The following ROBO2 variants were observed in gnomAD, a reference collection of about 807,000 sequenced individuals.
ROBO2 encodes roundabout guidance receptor 2.
Under a neutral mutation model 160.8 loss-of-function variants are expected in ROBO2, and 53 were observed. The observed-to-expected ratio is 0.33, with a 90% CI of 0.26 to 0.41. The LOEUF (loss-of-function observed/expected upper bound fraction) is 0.41. ROBO2 is among the 10% of genes least tolerant of loss of function. The probability of loss-of-function intolerance (pLI) is 1.00; values close to 1 mark genes in which losing one functional copy is unlikely to be tolerated. For missense variants in ROBO2, 1,577 were observed against 1,722.4 expected, an observed-to-expected ratio of 0.92 and a Z score of 1.49; for synonymous variants, 664 against 611.7, an observed-to-expected ratio of 1.09 and a Z score of -1.26.
At chr3:77,134,927 C>T (rs2076154548) in intron 2 of ROBO2, among the ~76,000 whole-genome samples, 1 of 152,186 alleles carries the variant, frequency 6.6e-6, no homozygotes, top group Admixed American at 6.5e-5. Flanking sequence ...ATGGTATCTG[C>T]CGTTCACTGC....
chr3:77,207,884 T>C (rs1017619153), intron 2 of ROBO2, among the ~76,000 whole-genome samples: 2 of 152,222 alleles, frequency 1.3e-5, no homozygotes, highest in African/African-American at 4.8e-5. Context: ...TTGCTGCTTT[T>C]CAAAACGCGT....
intron 2 of ROBO2, among the ~76,000 whole-genome samples, chr3:76,678,630 A>G (rs1361606833): frequency 1.3e-5 from 2 of 152,170 alleles, no homozygotes; most frequent in South Asian, 4.1e-4. Flanking sequence ...TATTTGAAAC[A>G]TTTTTATAGA....
At chr3:77,236,030 C>T (rs1436048130) in intron 2 of ROBO2, among the ~76,000 whole-genome samples, 1 of 152,150 alleles carries the variant, frequency 6.6e-6, no homozygotes, top group Non-Finnish European at 1.5e-5. Context: ...TATGAGTGAC[C>T]AATGACCTGT....
intron 2 of ROBO2, among the ~76,000 whole-genome samples, chr3:76,029,509 T>TA (rs1267066477): frequency 6.6e-6 from 1 of 151,876 alleles, no homozygotes; most frequent in Non-Finnish European, 1.5e-5. Flanking sequence ...AAGCTATCCC[T>TA]CCCCCCATTC....
chr3:77,498,645 T>A lies in ROBO2; in HGVS notation c.806+5263T>A, dbSNP rs149390800. Among the ~76,000 whole-genome samples, 382 of 151,950 alleles carry A rather than the reference T, an allele frequency of 2.5e-3. 2 individuals carry two copies. Among genetic ancestry groups the A allele is most frequent in the African/African-American group, 8.9e-3 (367 of 41,416 alleles). On this transcript the variant is annotated intron_variant, in intron 5 of 25. Transcript: ENST00000461745. ...TTTTGGATGGCATTTTTATACAAAG[T>A]GGCTCTTTCTTCTTAGCCCTGCAAA...
chr3:77,105,359 T>A (rs2072650159), intron 2 of ROBO2, among the ~76,000 whole-genome samples: 1 of 152,228 alleles, frequency 6.6e-6, no homozygotes, highest in Non-Finnish European at 1.5e-5. Context: ...TGTAATTTTC[T>A]CCATTTGCAT....
At chr3:77,284,609 G>A (rs2060459300) in intron 2 of ROBO2, among the ~76,000 whole-genome samples, 1 of 152,100 alleles carries the variant, frequency 6.6e-6, no homozygotes, top group African/African-American at 2.4e-5. Flanking sequence ...AATAAAGTGG[G>A]TAGCATGGTT....
chr3:77,482,701 A>G (rs1248367961), intron 4 of ROBO2, among the ~76,000 whole-genome samples: 3 of 152,158 alleles, frequency 2.0e-5, no homozygotes, highest in Admixed American at 1.3e-4. Context: ...GAGTCTCAAG[A>G]TGTGCTCCAC....
At chr3:76,583,031 G>A (rs1383368004) in intron 2 of ROBO2, among the ~76,000 whole-genome samples, 1 of 150,532 alleles carries the variant, frequency 6.6e-6, no homozygotes, top group African/African-American at 2.4e-5. Flanking sequence ...AAAAGCAAGA[G>A]AGAAAAAACA....
At chr3:76,424,003 C>T (rs2108952782) in intron 2 of ROBO2, among the ~76,000 whole-genome samples, 1 of 152,062 alleles carries the variant, frequency 6.6e-6, no homozygotes, top group African/African-American at 2.4e-5. Flanking sequence ...CATGGGCCTC[C>T]AAAACGTCGA....
chr3:75,936,450 T>C (rs1947785356), intron 1 of ROBO2, among the ~76,000 whole-genome samples: 1 of 152,188 alleles, frequency 6.6e-6, no homozygotes, highest in Admixed American at 6.5e-5. Context: ...ACCTCTGATT[T>C]AAAATTCCAT....
rs76974287 is a variant in ROBO2, at chr3:76,566,235, T to A, written c.110-531779T>A. ...GCTACAGTTTGCTCAAGAATAATCA[T>A]GTCTGCAAGGAGTACCTGTTATTTG... On this transcript the variant is annotated intron_variant, in intron 2 of 26. Transcript: ENST00000487694. Among the ~76,000 whole-genome samples, 592 of 152,258 alleles carry A rather than the reference T, an allele frequency of 3.9e-3. 7 individuals are homozygous for A. The highest frequency in any genetic ancestry group is 0.014 in the African/African-American group (570 of 41,510).
intron 2 of ROBO2, among the ~76,000 whole-genome samples, chr3:77,103,034 G>A (rs1283147072): frequency 6.6e-6 from 1 of 152,174 alleles, no homozygotes; most frequent in Non-Finnish European, 1.5e-5. Flanking sequence ...GAGAGCCATG[G>A]TGTAGCTGGT....
chr3:77,067,028 T>TCACACACACACACACACACACACACA (rs144228628), intron 1 of ROBO2, among the ~76,000 whole-genome samples: 2 of 136,838 alleles, frequency 1.5e-5, no homozygotes, highest in Non-Finnish European at 1.6e-5. Context: ...ACACACACAC[T>TCACACACACACACACACACACACACA]CACACACACA....
At chr3:77,295,647 C>G (rs2061990028) in intron 2 of ROBO2, among the ~76,000 whole-genome samples, 1 of 94,464 alleles carries the variant, frequency 1.1e-5, no homozygotes, top group Non-Finnish European at 2.6e-5. Flanking sequence ...TAAGCTGAGG[C>G]TAGATCACCC....
At chr3:76,794,584 A>G (rs573620663) in intron 2 of ROBO2, among the ~76,000 whole-genome samples, 93 of 151,958 alleles carry the variant, frequency 6.1e-4, no homozygotes, top group Non-Finnish European at 8.8e-4. Context: ...ATTTCTATAT[A>G]TCATGTTCTG....
intron 8 of ROBO2, 126 bp from the exon 10 acceptor site, chr3:77,557,818 T>C: frequency 2.7e-6 from 2 of 740,956 alleles, no homozygotes; most frequent in East Asian, 5.4e-5. Flanking sequence ...AATATACATA[T>C]TGCTTAGAAT....
chr3:77,179,054 A>G (rs575710568), intron 2 of ROBO2, among the ~76,000 whole-genome samples: 4 of 152,184 alleles, frequency 2.6e-5, no homozygotes, highest in South Asian at 2.1e-4. Flanking sequence ...GGTACTTACT[A>G]TATATATTCC....
At chr3:77,388,055 C>T (rs551673086) in intron 2 of ROBO2, among the ~76,000 whole-genome samples, 1 of 151,878 alleles carries the variant, frequency 6.6e-6, no homozygotes, top group Non-Finnish European at 1.5e-5. Context: ...TTACCCCTGC[C>T]GAGTGGTCAG....
Sources: gnomAD v4.1 joint callset for allele counts (sites outside exome capture counted in the v4.1 genomes callset) on GRCh38, gnomAD v4.1.1 for gene constraint, MANE v1.5 for transcripts, NCBI Gene and HGNC (gene_info 2026-07-23, HGNC 2026-07-21) for gene names.